Variants in CADPS observed in about 807,000 individuals in gnomAD.
The protein encoded by CADPS is calcium-dependent secretion activator 1.
In CADPS, 57 loss-of-function variants were observed where a neutral mutation model predicts 167.3. The ratio of observed to expected loss-of-function variants is 0.34; its 90% CI spans 0.28 to 0.42. The LOEUF is 0.42. CADPS is among the 20% of genes least tolerant of loss of function. CADPS has a pLI of 1.00. For missense variants in CADPS, 1,414 were observed against 1,738.1 expected (o/e 0.81, Z 3.32); for synonymous variants, 676 against 635.3 (o/e 1.06, Z -0.96).
At chr3:62,778,580 A>G (rs2090892804) in intron 1 of CADPS, among the ~76,000 whole-genome samples, 1 of 152,204 alleles carries the variant, frequency 6.6e-6, no homozygotes, top group African/African-American at 2.4e-5. Flanking sequence ...ATTGATATAC[A>G]GCATGAACTT....
chr3:62,568,335 C>T (rs2080673797), intron 9 of CADPS, among the ~76,000 whole-genome samples: 1 of 152,160 alleles, frequency 6.6e-6, no homozygotes, highest in Non-Finnish European at 1.5e-5. Flanking sequence ...AGAGGAAGAC[C>T]CACACGCAGT....
intron 10 of CADPS, among the ~76,000 whole-genome samples, chr3:62,553,439 A>G (rs2077624173): frequency 6.6e-6 from 1 of 152,200 alleles, no homozygotes; most frequent in Admixed American, 6.5e-5. Flanking sequence ...CATGGACACA[A>G]AGCTGGGTTG....
At chr3:62,647,219 G>A (rs944453705) in intron 5 of CADPS, among the ~76,000 whole-genome samples, 2 of 152,164 alleles carry the variant, frequency 1.3e-5, no homozygotes, top group Non-Finnish European at 2.9e-5. Flanking sequence ...AAGAATGTGA[G>A]TGCGCAAAAA....
chr3:62,474,634 A>T (rs897224269), intron 23 of CADPS, among the ~76,000 whole-genome samples: 2 of 152,222 alleles, frequency 1.3e-5, no homozygotes, highest in African/African-American at 4.8e-5. Context: ...ACTCGATTAT[A>T]GCAGTATAGC....
intron 1 of CADPS, among the ~76,000 whole-genome samples, chr3:62,818,501 A>G (rs1271551378): frequency 6.6e-6 from 1 of 152,216 alleles, no homozygotes; most frequent in Non-Finnish European, 1.5e-5. Flanking sequence ...ATACCACTCC[A>G]CACCTGTTTG....
Position 62,414,064 on chromosome 3 carries a change from G to A in CADPS, c.3778-10879C>T, listed in dbSNP as rs192047745. On this transcript the variant is annotated intron_variant, in intron 28 of 29. Transcript: ENST00000383710. ...ATTTGGTTTATTTAAAACATGCCACGGGGCCAACATTTCTAAATCTGTGAA... is the reference window on the plus strand; with the variant it reads ...ATTTGGTTTATTTAAAACATGCCACAGGGCCAACATTTCTAAATCTGTGAA... 1.1e-3 allele frequency among the ~76,000 whole-genome samples: 168 copies of A among 152,254 alleles called. 2 individuals carry two copies. The highest frequency in any genetic ancestry group is 3.9e-3 in the African/African-American group (162 of 41,558).
chr3:62,809,406 C>G (rs926361744), intron 1 of CADPS, among the ~76,000 whole-genome samples: 34 of 152,162 alleles, frequency 2.2e-4, no homozygotes, highest in African/African-American at 3.1e-4. Flanking sequence ...GGCCTTCTTT[C>G]TCTTCCTCAA....
intron 1 of CADPS, among the ~76,000 whole-genome samples, chr3:62,832,786 A>G (rs1176631101): frequency 1.3e-5 from 2 of 152,248 alleles, no homozygotes; most frequent in African/African-American, 2.4e-5. Flanking sequence ...CACGTGATGG[A>G]TGAAGCCAAC....
At chr3:62,416,762 A>G (rs1383437545) in intron 28 of CADPS, among the ~76,000 whole-genome samples, 1 of 152,202 alleles carries the variant, frequency 6.6e-6, no homozygotes, top group Non-Finnish European at 1.5e-5. Context: ...CTGGGGGACC[A>G]TTGCTATTTT....
intron 26 of CADPS, among the ~76,000 whole-genome samples, chr3:62,461,114 C>T (rs1273191175): frequency 6.6e-6 from 1 of 152,140 alleles, no homozygotes; most frequent in African/African-American, 2.4e-5. Flanking sequence ...GGGAGCTTAA[C>T]CTTTCCAAGC....
chr3:62,523,992 A>G (rs1200858873), intron 13 of CADPS, among the ~76,000 whole-genome samples: 1 of 152,248 alleles, frequency 6.6e-6, no homozygotes, highest in Non-Finnish European at 1.5e-5. Context: ...TTAAAGGGCC[A>G]GAGAGGGACA....
Position 62,412,208 on chromosome 3 carries a change from A to C in CADPS, c.3778-9023T>G. ...GATACCTGAAAACCCATGCCACTGA[A>C]GTCTTTACAAAGCTATCAGTGCTGT... On this transcript the variant is annotated intron_variant, in intron 28 of 29. Transcript: ENST00000383710. The surrounding 1 kb of genome is among the most constrained non-coding windows in gnomAD (Gnocchi z 4.1). Among the ~76,000 whole-genome samples, 1 of 150,530 alleles carries C rather than the reference A, an allele frequency of 6.6e-6. No individual in the cohort carries two copies. Among genetic ancestry groups the C allele is most frequent in the East Asian group, 2.0e-4 (1 of 5,074 alleles).
At chr3:62,571,873 T>C (rs891771993) in intron 8 of CADPS, among the ~76,000 whole-genome samples, 1 of 152,166 alleles carries the variant, frequency 6.6e-6, no homozygotes, top group Non-Finnish European at 1.5e-5. Context: ...GTAAGGTCAA[T>C]ATTACTAATC....
At chr3:62,435,186 G>C (rs1444601767) in intron 28 of CADPS, among the ~76,000 whole-genome samples, 1 of 152,132 alleles carries the variant, frequency 6.6e-6, no homozygotes, top group Admixed American at 6.6e-5. Flanking sequence ...TTAGAAACTT[G>C]CCCCAGGACC....
chr3:62,561,078 C>CACAAA (rs1553921203), intron 9 of CADPS, among the ~76,000 whole-genome samples: 107 of 83,576 alleles, frequency 1.3e-3, no homozygotes, highest in Non-Finnish European at 1.9e-3. Flanking sequence ...AACTCCATCT[C>CACAAA]AAAAAAAAAA....
intron 1 of CADPS, among the ~76,000 whole-genome samples, chr3:62,807,196 T>A (rs2094144035): frequency 6.6e-6 from 1 of 152,138 alleles, no homozygotes; most frequent in African/African-American, 2.4e-5. Context: ...CACTGGGGAA[T>A]CTTCATCAAG....
In CADPS at chr3:62,831,454, G is replaced by T. The variant is rs191051440; in HGVS notation, c.441+43135C>A. On this transcript the variant is annotated intron_variant, in intron 1 of 29. Coordinates refer to ENST00000383710, the MANE Select transcript of CADPS (RefSeq NM_003716.4). ...ACTGATTAGGGAATCAGGATGATGG[G>T]TTTGTCCTCTGGAATGAGCACTAAA... 7.0e-4 allele frequency among the ~76,000 whole-genome samples: 107 copies of T among 152,236 alleles called. 2 individuals carry two copies. In the East Asian group the frequency reaches 0.019, roughly 27 times the overall value.
chr3:62,865,386 A>T (rs555866267), intron 1 of CADPS, among the ~76,000 whole-genome samples: 158 of 60,090 alleles, frequency 2.6e-3, no homozygotes, highest in African/African-American at 9.3e-3. Context: ...CTTAAGGATT[A>T]AAAAAAAAAA....
chr3:62,588,880 T>C (rs1179645322), intron 7 of CADPS, among the ~76,000 whole-genome samples: 1 of 152,184 alleles, frequency 6.6e-6, no homozygotes, highest in Non-Finnish European at 1.5e-5. Flanking sequence ...ACTGTGCTTT[T>C]TTTAAAAGAG....
Sources: gnomAD v4.1 joint callset for allele counts (sites outside exome capture counted in the v4.1 genomes callset) on GRCh38, gnomAD v4.1.1 for gene constraint, Gnocchi (gnomAD v3.1) non-coding constraint, MANE v1.5 for transcripts, NCBI Gene and HGNC (gene_info 2026-07-23, HGNC 2026-07-21) for gene names.